Variants in MAP4K1 observed in about 807,000 individuals in gnomAD.
MAP4K1 encodes MAPK/ERK kinase kinase kinase 1.
A neutral mutation model predicts 122.8 loss-of-function variants in MAP4K1; 35 were observed. The observed-to-expected ratio is 0.29, with a 90% CI of 0.22 to 0.38. MAP4K1 has a LOEUF of 0.38. Ranked by LOEUF, MAP4K1 falls within the 10% of genes least tolerant of loss-of-function variation. The probability of loss-of-function intolerance (pLI) is 1.00; values close to 1 mark genes in which losing one functional copy is unlikely to be tolerated. For missense variants in MAP4K1, 791 were observed against 1,072.6 expected, an observed-to-expected ratio of 0.74 and a Z score of 3.67; for synonymous variants, 412 against 421.3, an observed-to-expected ratio of 0.98 and a Z score of 0.27.
At chr19:38,601,711 G>T (rs1277030179) in intron 19 of MAP4K1, 186 bp from the exon 20 acceptor site, 15 of 546,008 alleles carry the variant, frequency 2.7e-5, no homozygotes, top group South Asian at 7.0e-5. Flanking sequence ...TTTTCAGTTT[G>T]TTTTTGTTTT....
intron 19 of MAP4K1, among the ~76,000 whole-genome samples, chr19:38,603,020 A>G (rs895629813): frequency 4.1e-5 from 6 of 146,710 alleles, no homozygotes; most frequent in African/African-American, 1.5e-4. Context: ...ACACATATAC[A>G]TGTATACATA....
At position 38,610,447 on chromosome 19, in the gene MAP4K1, A is replaced by G. The variant is rs1458990090; in HGVS notation, c.811-422T>C. On this transcript the variant is annotated intron_variant, in intron 11 of 30. Transcript: ENST00000396857. ...GTCACTCAGACTGGAGTGCAGTGGC[A>G]CGATCCTGGCTCACTATAGCCTCCG... Among the ~76,000 whole-genome samples the G allele has an allele frequency of 8.3e-5, 11 of 132,840 alleles. No homozygotes were observed. The Admixed American group carries it at 9.1e-4, about 11-fold the overall frequency. 87.1% of individuals were successfully genotyped at this position (132,840 alleles called of 152,430 possible).
chr19:38,599,426 C>G (rs184189967), intron 22 of MAP4K1, among the ~76,000 whole-genome samples: 576 of 150,510 alleles, frequency 3.8e-3, no homozygotes, highest in South Asian at 0.016. Context: ...TTTTGGGAGG[C>G]CAAGGCAGTT....
At chr19:38,596,934 C>T in intron 25 of MAP4K1, 100 bp downstream of exon 25, 2 of 1,154,724 alleles carry the variant, frequency 1.7e-6, no homozygotes, top group Middle Eastern at 2.4e-4. Context: ...GGGGCCTCGA[C>T]GGAGGTGGGG....
Position 38,609,602 on chromosome 19 carries a change from A to G in MAP4K1, c.1000T>C (p.Cys334Arg), listed in dbSNP as rs201445184. 231 of 1,613,574 alleles carry G rather than the reference A, an allele frequency of 1.4e-4. 1 individual carries two copies. Among genetic ancestry groups the G allele is most frequent in the Non-Finnish European group, 1.7e-4 (195 of 1,179,856 alleles). The change falls in exon 13 of 31, where the codon TGC becomes CGC. Residue 334 changes from cysteine (C) to arginine (R), a missense_variant. This residue lies in a region of MAP4K1 where 303 missense variants were observed against 344.8 expected (regional missense o/e 0.88). Coordinates refer to ENST00000396857, the MANE Select transcript of MAP4K1 (RefSeq NM_001042600.3). ...SSSLGIPDADCCRRHMEFRKL... is the reference protein window; with the variant it reads ...SSSLGIPDADRCRRHMEFRKL... ...ATAAGGATTCTCTACTCACGACAGC[A>G]GTCTGCATCTGGGATCCCCAGAGAG...
intron 30 of MAP4K1, among the ~76,000 whole-genome samples, chr19:38,589,576 C>T (rs554587117): frequency 8.6e-5 from 13 of 151,910 alleles, no homozygotes; most frequent in African/African-American, 2.2e-4. Flanking sequence ...ACACCATGCC[C>T]GGCTAATTTT....
chr19:38,608,258 G>C, intron 13 of MAP4K1, 88 bp from the exon 14 acceptor site: 2 of 566,664 alleles, frequency 3.5e-6, no homozygotes, highest in South Asian at 5.5e-5. Context: ...TAGAATTGGC[G>C]GGGGGGTTGC....
chr19:38,595,913 G>A (rs1398922055), intron 27 of MAP4K1, 26 bp downstream of exon 27: 2 of 1,612,048 alleles, frequency 1.2e-6, no homozygotes, highest in African/African-American at 1.3e-5. Flanking sequence ...GGGGTGGGGA[G>A]GAAGGGGAGG....
chr19:38,595,685 G>A lies in MAP4K1; in HGVS notation c.2224C>T (p.Leu742Phe). 6.2e-7 allele frequency: 1 copy of A among 1,612,958 alleles called. No individual in the cohort carries two copies. Among genetic ancestry groups the A allele is most frequent in the Non-Finnish European group, 8.5e-7 (1 of 1,179,354 alleles). Residue 742 changes from leucine to phenylalanine, a missense_variant, in exon 28 of 31, where the codon CTT becomes TTT. Physicochemically the swap from Leu to Phe is conservative, Grantham distance 22. Coordinates refer to ENST00000396857, the MANE Select transcript of MAP4K1 (RefSeq NM_001042600.3). ...VTPEGSPVRGLRTPEIPMTEA... is the reference protein window; with the variant it reads ...VTPEGSPVRGFRTPEIPMTEA... ...GTCATGGGGATCTCAGGTGTGCGAAGTCCCCGGACTGGGGACCCCTCCGGG... is the reference window on the plus strand; with the variant it reads ...GTCATGGGGATCTCAGGTGTGCGAAATCCCCGGACTGGGGACCCCTCCGGG...
intron 13 of MAP4K1, among the ~76,000 whole-genome samples, chr19:38,608,677 G>A (rs1409601864): frequency 1.3e-5 from 2 of 151,716 alleles, no homozygotes; most frequent in East Asian, 1.9e-4. Flanking sequence ...GTATGCGCCT[G>A]TAATCCCAAT....
rs1975529950 is a variant in MAP4K1 at position 38,612,595 on chromosome 19, C to A, written c.665+16G>T. On this transcript the variant is annotated intron_variant, in intron 9 of 30. Transcript: ENST00000396857. ...TAGACAGGATCTCTGGGCCTGGGGA[C>A]CCCACGCCTGCCTACCTGAGAGGGT... 6.2e-7 allele frequency: 1 copy of A among 1,608,876 alleles called. No individual in the cohort carries two copies. Among genetic ancestry groups the A allele is most frequent in the Non-Finnish European group, 8.5e-7 (1 of 1,178,926 alleles).
chr19:38,593,545 A>G (rs573546886), intron 29 of MAP4K1, among the ~76,000 whole-genome samples: 1 of 152,346 alleles, frequency 6.6e-6, no homozygotes, highest in South Asian at 2.1e-4. Context: ...TCTACTAAAA[A>G]TACAAAAATT....
Position 38,617,368 on chromosome 19 carries a change from A to T in MAP4K1, c.234T>A (p.His78Gln). ...TCRHANIVAY[H>Q]GSYLWLQKLW... ...AGGTTCATCACCAGAGATAACTCCC[A>T]TGGTAGGCCACGATGTTGGCGTGCC... Residue 78 changes from histidine (H) to glutamine (Q), a missense_variant, in exon 3 of 31, where the codon CAT becomes CAA. Around this residue, in one of 4 missense-constraint regions of MAP4K1, gnomAD observed 163 missense variants for 286.1 expected, o/e 0.57. Transcript: ENST00000396857. This position sits in a 1 kb window ranked among gnomAD's most constrained non-coding sequence, Gnocchi z 4.1. 1 of 1,613,458 alleles carries T rather than the reference A, an allele frequency of 6.2e-7. No homozygotes were observed. Among genetic ancestry groups the T allele is most frequent in the Non-Finnish European group, 8.5e-7 (1 of 1,179,698 alleles).
At chr19:38,596,034 C>T (rs746211233) in intron 26 of MAP4K1, 33 bp from the exon 27 acceptor site, 2 of 1,594,752 alleles carry the variant, frequency 1.3e-6, no homozygotes, top group Non-Finnish European at 8.6e-7. Context: ...GGATTGACCC[C>T]ACCCCATTCC....
At position 38,614,337 on chromosome 19, in the gene MAP4K1, G is replaced by A. The variant is rs1158981843; in HGVS notation, c.370-45C>T. 4.3e-6 allele frequency: 7 copies of A among 1,613,864 alleles called. No individual in the cohort carries two copies. In the African/African-American group the frequency reaches 9.3e-5, roughly 22 times the overall value. ...AGGGGACAGTGAGTGTTTGGGGGCTGGAGTGGGGCCACCCTCCCCTCCCAT... is the reference window on the plus strand; with the variant it reads ...AGGGGACAGTGAGTGTTTGGGGGCTAGAGTGGGGCCACCCTCCCCTCCCAT... On this transcript the variant is annotated intron_variant, in intron 5 of 30. Transcript: ENST00000396857.
In MAP4K1 at chr19:38,600,102, T is replaced by C; in HGVS notation, c.1583A>G (p.Asn528Ser). ...CATTTCCAGCGTGGCCTCCTGGTCA[T>C]TCCGGTTCAGGATGAAGATGCCTTC... The part of the protein sequence containing the change: ...AEEGIFILNR[N>S]DQEATLEMLF... The change falls in exon 21 of 31, where the codon AAT becomes AGT. Residue 528 changes from asparagine (N) to serine (S), a missense_variant. Transcript: ENST00000396857. The C allele has an allele frequency of 6.2e-7, 1 of 1,614,150 alleles. No homozygotes were observed. The highest frequency in any genetic ancestry group is 8.5e-7 in the Non-Finnish European group (1 of 1,180,022).
intron 26 of MAP4K1, 39 bp downstream of exon 26, chr19:38,596,273 T>G (rs1366273849): frequency 9.3e-6 from 14 of 1,504,640 alleles, no homozygotes; most frequent in South Asian, 1.3e-5. Context: ...CCTCCGGATC[T>G]GATAAGCCCC....
chr19:38,600,210 C>T (rs1975019755), intron 20 of MAP4K1, 57 bp from the exon 21 acceptor site: 1 of 1,446,098 alleles, frequency 6.9e-7, no homozygotes, highest in South Asian at 1.1e-5. Context: ...CCTCCCAGAT[C>T]CCCACCTGTC....
At chr19:38,607,335 C>A (rs1975357207) in intron 16 of MAP4K1, among the ~76,000 whole-genome samples, 1 of 151,606 alleles carries the variant, frequency 6.6e-6, no homozygotes, top group African/African-American at 2.4e-5. Flanking sequence ...CTGAGATGGG[C>A]GGATCATGAG....
Sources: allele counts gnomAD v4.1 joint callset (sites outside exome capture counted in the v4.1 genomes callset), GRCh38; gene constraint gnomAD v4.1.1; regional missense constraint gnomAD v4.1.1; non-coding constraint Gnocchi (gnomAD v3.1); transcripts MANE v1.5; gene names NCBI Gene and HGNC (gene_info 2026-07-23, HGNC 2026-07-21).